The following ZNF609 variants were observed in gnomAD, a reference collection of about 807,000 sequenced individuals.
The protein encoded by ZNF609 is zinc finger protein 609.
Under a neutral mutation model 109.5 loss-of-function variants are expected in ZNF609, and 11 were observed. The ratio of observed to expected loss-of-function variants is 0.10; its 90% CI spans 0.06 to 0.17. The LOEUF is 0.17. Among genes scored for constraint, ZNF609 ranks in the 10% least tolerant of loss-of-function variants. The pLI, the probability that ZNF609 is intolerant of heterozygous loss-of-function variation, is 1.00. For missense variants in ZNF609, 1,559 were observed against 1,772.4 expected (o/e 0.88, Z 2.16); for synonymous variants, 646 against 662.0 (o/e 0.98, Z 0.37).
At chr15:64,544,238 G>A (rs2140385014) in intron 2 of ZNF609, among the ~76,000 whole-genome samples, 1 of 152,272 alleles carries the variant, frequency 6.6e-6, no homozygotes, top group Non-Finnish European at 1.5e-5. Context: ...TACTCAGGAG[G>A]CTGAGGCAGG....
intron 6 of ZNF609, among the ~76,000 whole-genome samples, chr15:64,679,713 A>G (rs951389977): frequency 6.6e-6 from 1 of 152,184 alleles, no homozygotes; most frequent in Admixed American, 6.5e-5. Context: ...AGATTTATAG[A>G]CATTATCTTT....
chr15:64,623,864 T>C (rs981453390), intron 3 of ZNF609, among the ~76,000 whole-genome samples: 1 of 152,198 alleles, frequency 6.6e-6, no homozygotes, highest in African/African-American at 2.4e-5. Flanking sequence ...TCAGAGTATA[T>C]GTGGTTAGAG....
chr15:64,614,130 G>A (rs1389455798), intron 2 of ZNF609, among the ~76,000 whole-genome samples: 10 of 151,130 alleles, frequency 6.6e-5, no homozygotes, highest in African/African-American at 2.2e-4. Flanking sequence ...CATGTTGGCC[G>A]GGCTACTCTC....
At chr15:64,534,605 G>A (rs147529100) in intron 2 of ZNF609, among the ~76,000 whole-genome samples, 200 of 151,476 alleles carry the variant, frequency 1.3e-3, no homozygotes, top group African/African-American at 4.6e-3. Context: ...ATGAGCCACC[G>A]CGCCTGGCCG....
intron 2 of ZNF609, among the ~76,000 whole-genome samples, chr15:64,510,137 T>C (rs1315682741): frequency 6.6e-6 from 1 of 152,116 alleles, no homozygotes. Flanking sequence ...GTACAATATT[T>C]TGATAGAAAG....
At chr15:64,477,933 T>C (rs947773897) in intron 1 of ZNF609, among the ~76,000 whole-genome samples, 2 of 152,118 alleles carry the variant, frequency 1.3e-5, no homozygotes, top group Non-Finnish European at 2.9e-5. Context: ...CCTGGCTGCA[T>C]ATCTTATTTC....
intron 2 of ZNF609, among the ~76,000 whole-genome samples, chr15:64,539,357 G>A (rs1490084793): frequency 2.2e-4 from 33 of 151,630 alleles, no homozygotes; most frequent in Middle Eastern, 3.4e-3. Context: ...ACAGGCACCC[G>A]CCACCACGCC....
intron 2 of ZNF609, among the ~76,000 whole-genome samples, chr15:64,600,071 C>CCAA (rs1329540103): frequency 6.6e-6 from 1 of 152,070 alleles, no homozygotes; most frequent in East Asian, 1.9e-4. Flanking sequence ...GCCTGTGGTC[C>CCAA]CAACAGTTTG....
intron 3 of ZNF609, among the ~76,000 whole-genome samples, chr15:64,646,366 T>C (rs1467390428): frequency 1.3e-5 from 2 of 151,614 alleles, no homozygotes; most frequent in Non-Finnish European, 2.9e-5. Flanking sequence ...CATGGTGGCT[T>C]ATGTCTGTAA....
chr15:64,543,167 A>T (rs1004217312), intron 2 of ZNF609, among the ~76,000 whole-genome samples: 11 of 152,126 alleles, frequency 7.2e-5, no homozygotes, highest in African/African-American at 2.7e-4. Flanking sequence ...AATTTAAAAA[A>T]TTTAAAAATA....
intron 1 of ZNF609, among the ~76,000 whole-genome samples, chr15:64,491,367 G>A (rs1191944126): frequency 6.6e-6 from 1 of 152,124 alleles, no homozygotes; most frequent in Non-Finnish European, 1.5e-5. Context: ...TAGAATTCAG[G>A]GAAGATGGTA....
intron 1 of ZNF609, among the ~76,000 whole-genome samples, chr15:64,479,582 C>T (rs552224640): frequency 7.2e-5 from 11 of 151,946 alleles, no homozygotes; most frequent in African/African-American, 2.7e-4. Flanking sequence ...TGAGCCACCG[C>T]GCCTGGCCCG....
intron 5 of ZNF609, among the ~76,000 whole-genome samples, chr15:64,677,821 TC>T (rs1872076681): frequency 6.6e-6 from 1 of 152,202 alleles, no homozygotes; most frequent in African/African-American, 2.4e-5. Context: ...TCAGTCGTTT[TC>T]CCAGAATGCT....
Position 64,499,843 on chromosome 15 carries a change from G to A in ZNF609, c.424G>A (p.Gly142Ser), listed in dbSNP as rs151216141. ...CCTGGTTGCTGCTATTGCTCCCAAG[G>A]GCTCAGAGAAGGCGGCTAAGGCATC... ...GGLVAAIAPK[G>S]SEKAAKASRS... Residue 142 changes from glycine to serine, a missense_variant, in exon 2 of 10, where the codon GGC (glycine) becomes AGC (serine). Gly to Ser is a moderately conservative substitution (Grantham distance 56). Around this residue, in one of 4 missense-constraint regions of ZNF609, gnomAD observed 291 missense variants for 317.8 expected, o/e 0.92. Coordinates refer to ENST00000326648, the MANE Select transcript of ZNF609 (RefSeq NM_015042.2). 3 of 1,614,062 alleles carry A rather than the reference G, an allele frequency of 1.9e-6. No individual in the cohort carries two copies. The highest frequency in any genetic ancestry group is 2.5e-6 in the Non-Finnish European group (3 of 1,180,022).
intron 3 of ZNF609, among the ~76,000 whole-genome samples, chr15:64,624,247 G>C (rs983355098): frequency 9.2e-5 from 14 of 152,214 alleles, no homozygotes; most frequent in African/African-American, 3.1e-4. Flanking sequence ...AGCTGATGCA[G>C]AGAAGGTAGA....
intron 1 of ZNF609, among the ~76,000 whole-genome samples, chr15:64,467,297 G>T (rs1893028900): frequency 6.6e-6 from 1 of 152,140 alleles, no homozygotes; most frequent in Non-Finnish European, 1.5e-5. Context: ...CTTCTTTGGG[G>T]TTTTTTTCTT....
At chr15:64,662,450 A>T (rs1896592409) in intron 3 of ZNF609, among the ~76,000 whole-genome samples, 1 of 152,052 alleles carries the variant, frequency 6.6e-6, no homozygotes, top group South Asian at 2.1e-4. Flanking sequence ...GTCAGCCTCC[A>T]TAGTAGTTGG....
At position 64,623,788 on chromosome 15, in the gene ZNF609, C is replaced by T. The variant is rs1227710864; in HGVS notation, c.973+736C>T. The stretch of plus-strand genomic sequence containing the variant: ...AGAGACTTAATGGGGTATTTCAGAT[C>T]TTTTGGTAACATCTGGTGGCAATTT... On this transcript the variant is annotated intron_variant, in intron 3 of 9. Transcript: ENST00000326648. 2.0e-5 allele frequency among the ~76,000 whole-genome samples: 3 copies of T among 152,148 alleles called. No individual in the cohort carries two copies. In the East Asian group the frequency reaches 5.8e-4, roughly 29 times the overall value.
rs1482269947 is a variant in ZNF609, at chr15:64,680,792, C to A, written c.4092C>A (p.Ser1364=). Residue 1364 remains serine, a synonymous_variant, in exon 8 of 10, where the codon TCC becomes TCA. Coordinates refer to ENST00000326648, the MANE Select transcript of ZNF609 (RefSeq NM_015042.2). ...CCTCTCCTTCCCAGCGCCTGATGTC[C>A]ACACACCACCACCACCACCACTTGG... ...PRTSPSQRLM[S]THHHHHHLGY... 1 of 1,613,558 alleles carries A rather than the reference C, an allele frequency of 6.2e-7. No individual in the cohort carries two copies. Among genetic ancestry groups the A allele is most frequent in the Non-Finnish European group, 8.5e-7 (1 of 1,180,000 alleles).
Sources: allele counts gnomAD v4.1 joint callset (sites outside exome capture counted in the v4.1 genomes callset), GRCh38; gene constraint gnomAD v4.1.1; regional missense constraint gnomAD v4.1.1; transcripts MANE v1.5; gene names NCBI Gene and HGNC (gene_info 2026-07-23, HGNC 2026-07-21).